Variants in PCSK5 observed in about 807,000 individuals in gnomAD.
PCSK5 encodes the protein proprotein convertase subtilisin/kexin type 5.
In PCSK5, 129 loss-of-function variants were observed where a neutral mutation model predicts 233.2. The observed-to-expected ratio is 0.55, with a 90% CI of 0.48 to 0.64. PCSK5 has a LOEUF of 0.64. PCSK5 is among the 30% of genes least tolerant of loss of function. The probability of loss-of-function intolerance (pLI) is 0.00; values close to 1 mark genes in which losing one functional copy is unlikely to be tolerated. For missense variants in PCSK5, 2,076 were observed against 2,430.1 expected, an observed-to-expected ratio of 0.85 and a Z score of 3.06; for synonymous variants, 825 against 879.2, an observed-to-expected ratio of 0.94 and a Z score of 1.09.
intron 20 of PCSK5, among the ~76,000 whole-genome samples, chr9:76,214,516 G>C (rs1484077507): frequency 6.6e-6 from 1 of 152,102 alleles, no homozygotes; most frequent in Non-Finnish European, 1.5e-5. Context: ...ACAGCTAGGT[G>C]ACCTTAACAG....
intron 10 of PCSK5, among the ~76,000 whole-genome samples, chr9:76,141,119 A>G (rs1010004575): frequency 6.6e-6 from 1 of 152,110 alleles, no homozygotes; most frequent in Admixed American, 6.6e-5. Flanking sequence ...TAAGCTTGTG[A>G]TTATAGAGGA....
chr9:76,160,156 G>GTT (rs1240184569), intron 12 of PCSK5, among the ~76,000 whole-genome samples: 1 of 152,106 alleles, frequency 6.6e-6, no homozygotes, highest in African/African-American at 2.4e-5. Flanking sequence ...AGGGTATTCA[G>GTT]TTTCGCTTGT....
intron 35 of PCSK5, among the ~76,000 whole-genome samples, chr9:76,349,285 AAAAAAAGAAAAAAG>A (rs1262673818): frequency 7.1e-6 from 1 of 140,924 alleles, no homozygotes; most frequent in Non-Finnish European, 1.6e-5. Context: ...AAAAAAAAAA[AAAAAAAGAAAAAAG>A]AAAAAGAAAA....
chr9:76,042,596 C>T (rs1181942796), intron 5 of PCSK5, among the ~76,000 whole-genome samples: 1 of 152,178 alleles, frequency 6.6e-6, no homozygotes, highest in East Asian at 1.9e-4. Flanking sequence ...GTGGAGGTTG[C>T]AGTGAGCTGA....
intron 5 of PCSK5, among the ~76,000 whole-genome samples, chr9:76,052,506 T>C (rs1261635209): frequency 6.6e-6 from 1 of 152,106 alleles, no homozygotes; most frequent in African/African-American, 2.4e-5. Flanking sequence ...ATGAGACTTA[T>C]TCACTATCAT....
At position 76,130,841 on chromosome 9, in the gene PCSK5, G is replaced by C. The variant is rs76211081; in HGVS notation, c.1209-3268G>C. 2.4e-3 allele frequency among the ~76,000 whole-genome samples: 369 copies of C among 152,246 alleles called. 1 individual carries two copies. The highest frequency in any genetic ancestry group is 4.0e-3 in the Non-Finnish European group (274 of 67,998). On this transcript the variant is annotated intron_variant, in intron 9 of 37. Transcript: ENST00000674117. ...TGAGGGGTGTGTAGCATAACTACATGTGATTTATTATAGGGCGGTGGTCAC... is the reference window on the plus strand; with the variant it reads ...TGAGGGGTGTGTAGCATAACTACATCTGATTTATTATAGGGCGGTGGTCAC...
intron 24 of PCSK5, among the ~76,000 whole-genome samples, chr9:76,242,270 T>C (rs936126450): frequency 6.6e-6 from 1 of 152,112 alleles, no homozygotes; most frequent in African/African-American, 2.4e-5. Flanking sequence ...AAATTAATAC[T>C]TAAATATTAT....
intron 25 of PCSK5, among the ~76,000 whole-genome samples, chr9:76,293,664 C>G (rs901908838): frequency 6.6e-6 from 1 of 152,064 alleles, no homozygotes; most frequent in African/African-American, 2.4e-5. Context: ...TGGCCAGGCT[C>G]TGTTAAACTT....
At chr9:76,316,049 G>A (rs2258063) in intron 30 of PCSK5, among the ~76,000 whole-genome samples, 27,634 of 150,420 alleles carry the variant, frequency 0.18, 2,690 homozygotes, top group South Asian at 0.2. Context: ...TTCGTGTTGC[G>A]TCTTTTTAGC....
chr9:76,214,888 T>C (rs1825466168), intron 20 of PCSK5, among the ~76,000 whole-genome samples: 1 of 152,164 alleles, frequency 6.6e-6, no homozygotes, highest in South Asian at 2.1e-4. Flanking sequence ...TTCCCTTATC[T>C]TTGACCCAAT....
chr9:76,053,014 C>A (rs1829686210), intron 5 of PCSK5, among the ~76,000 whole-genome samples: 1 of 152,216 alleles, frequency 6.6e-6, no homozygotes, highest in Non-Finnish European at 1.5e-5. Flanking sequence ...CACACTGATG[C>A]AAGAGGTGGG....
At chr9:76,311,768 C>CAA (rs1452103440) in intron 30 of PCSK5, among the ~76,000 whole-genome samples, 2 of 152,188 alleles carry the variant, frequency 1.3e-5, no homozygotes, top group African/African-American at 4.8e-5. Context: ...AAGGTCATCA[C>CAA]AAAGTCTGGT....
rs370133086 is a variant in PCSK5 at position 76,029,974 on chromosome 9, A to G, written c.632+2937A>G. Among the ~76,000 whole-genome samples, 177 of 152,344 alleles carry G rather than the reference A, an allele frequency of 1.2e-3. 1 individual carries two copies. Among genetic ancestry groups the G allele is most frequent in the African/African-American group, 3.9e-3 (164 of 41,594 alleles). On this transcript the variant is annotated intron_variant, in intron 5 of 37. Transcript: ENST00000674117. Reference sequence around the variant, plus strand: ...CACTTATGCAAACAATTATATTGCCATAAGTTAAGAATACTCAAAAAAAGT... The same window carrying G: ...CACTTATGCAAACAATTATATTGCCGTAAGTTAAGAATACTCAAAAAAAGT...
intron 21 of PCSK5, among the ~76,000 whole-genome samples, chr9:76,232,433 A>T (rs1826122167): frequency 6.6e-6 from 1 of 152,206 alleles, no homozygotes; most frequent in Admixed American, 6.5e-5. Context: ...CATAGGAATC[A>T]TTTAGCGAAT....
At chr9:76,172,220 C>T (rs986189206) in intron 13 of PCSK5, among the ~76,000 whole-genome samples, 1 of 152,076 alleles carries the variant, frequency 6.6e-6, no homozygotes, top group African/African-American at 2.4e-5. Flanking sequence ...ATTTTTGGCA[C>T]ATTGAACCTA....
At chr9:76,088,036 T>C (rs1423331365) in intron 7 of PCSK5, among the ~76,000 whole-genome samples, 3 of 152,234 alleles carry the variant, frequency 2.0e-5, no homozygotes, top group South Asian at 2.1e-4. Context: ...CTAAGTAGCA[T>C]AGAATGTGAA....
chr9:76,240,308 C>T (rs1290612610), intron 23 of PCSK5, among the ~76,000 whole-genome samples: 1 of 152,172 alleles, frequency 6.6e-6, no homozygotes, highest in Admixed American at 6.5e-5. Flanking sequence ...ATACCCAATT[C>T]CATTTTCCCA....
At chr9:76,160,762 C>T (rs1822817639) in intron 12 of PCSK5, among the ~76,000 whole-genome samples, 1 of 148,998 alleles carries the variant, frequency 6.7e-6, no homozygotes, top group African/African-American at 2.5e-5. Context: ...AGTACAGAAT[C>T]TGATATCTTT....
chr9:76,124,924 G>C (rs1832785628), intron 9 of PCSK5, among the ~76,000 whole-genome samples: 1 of 151,818 alleles, frequency 6.6e-6, no homozygotes, highest in South Asian at 2.1e-4. Context: ...CACTCAGTTT[G>C]CTTTATTGCT....
Sources: allele counts gnomAD v4.1 joint callset (sites outside exome capture counted in the v4.1 genomes callset), GRCh38; gene constraint gnomAD v4.1.1; transcripts MANE v1.5; gene names NCBI Gene and HGNC (gene_info 2026-07-23, HGNC 2026-07-21).